SH3GL3: variants seen among roughly 807,000 people sequenced by gnomAD.
The protein encoded by SH3GL3 is endophilin-A3.
In SH3GL3, 33 loss-of-function variants were observed where a neutral mutation model predicts 47.7. The ratio of observed to expected loss-of-function variants is 0.69; its 90% CI spans 0.52 to 0.92. SH3GL3 has a LOEUF of 0.92. SH3GL3 is among the 40% of genes least tolerant of loss of function. SH3GL3 has a pLI of 0.00. For synonymous variants in SH3GL3, 155 were observed against 148.8 expected (o/e 1.04, Z -0.30); for missense variants, 363 against 417.8 (o/e 0.87, Z 1.14).
At chr15:83,539,736 C>T (rs752690005) in intron 1 of SH3GL3, among the ~76,000 whole-genome samples, 5 of 152,068 alleles carry the variant, frequency 3.3e-5, no homozygotes, top group Non-Finnish European at 4.4e-5. Flanking sequence ...ACATATGAAT[C>T]CTTTTCTTGA....
At chr15:83,631,287 T>C in the SH3GL3 span, among the ~76,000 whole-genome samples, 1 of 152,196 alleles carries the variant, frequency 6.6e-6, no homozygotes, top group Admixed American at 6.5e-5. Flanking sequence ...CTGCAGCTTT[T>C]CCAGGTGCAT....
rs1243912253 is a variant in SH3GL3, at chr15:83,483,461, TA to T, written c.45+35886del. 1.8e-4 allele frequency among the ~76,000 whole-genome samples: 28 copies of T among 152,336 alleles called. 1 individual carries two copies. The highest frequency in any genetic ancestry group is 1.7e-3 in the Admixed American group (26 of 15,306). On this transcript the variant is annotated intron_variant, in intron 1 of 8. Coordinates refer to ENST00000427482, the MANE Select transcript of SH3GL3 (RefSeq NM_003027.5). ...TAATTTTTATTAATTAATTAAAACA[TA>T]AATTTAAATGACCACATGTGGCCAG... is the stretch of plus-strand genomic sequence containing the variant.
intron 8 of SH3GL3, among the ~76,000 whole-genome samples, chr15:83,596,760 A>AC (rs1412034934): frequency 6.6e-6 from 1 of 151,722 alleles, no homozygotes; most frequent in African/African-American, 2.4e-5. Context: ...GAGCCACTGC[A>AC]CCCCCACTGA....
chr15:83,543,163 G>GT (rs925496592), intron 1 of SH3GL3, among the ~76,000 whole-genome samples: 2 of 151,912 alleles, frequency 1.3e-5, no homozygotes, highest in African/African-American at 2.4e-5. Flanking sequence ...TCAATATCCA[G>GT]TTTTTTTAGG....
chr15:83,487,755 A>C (rs1223403237), intron 1 of SH3GL3, among the ~76,000 whole-genome samples: 1 of 152,126 alleles, frequency 6.6e-6, no homozygotes, highest in Non-Finnish European at 1.5e-5. Flanking sequence ...TGGCACCACC[A>C]ATGGGACATT....
intron 8 of SH3GL3, chr15:83,609,133 T>A: frequency 2.6e-6 from 1 of 381,804 alleles, no homozygotes; most frequent in South Asian, 1.9e-5. Flanking sequence ...CGGATTCTCA[T>A]TGCTACCTCA....
intron 6 of SH3GL3, among the ~76,000 whole-genome samples, chr15:83,581,739 A>G (rs966522922): frequency 1.3e-5 from 2 of 152,160 alleles, no homozygotes; most frequent in African/African-American, 2.4e-5. Context: ...CAGAAGTTTT[A>G]TCTATTTTCT....
At chr15:83,549,509 G>A (rs908246785) in intron 1 of SH3GL3, among the ~76,000 whole-genome samples, 4 of 152,100 alleles carry the variant, frequency 2.6e-5, no homozygotes, top group African/African-American at 9.7e-5. Flanking sequence ...AGGCATTCAG[G>A]GATGAATTAA....
At chr15:83,490,046 C>T (rs1330935131) in intron 1 of SH3GL3, among the ~76,000 whole-genome samples, 1 of 152,104 alleles carries the variant, frequency 6.6e-6, no homozygotes, top group Non-Finnish European at 1.5e-5. Context: ...CAGGGGGAAT[C>T]ACATCGTTGG....
intron 8 of SH3GL3, among the ~76,000 whole-genome samples, chr15:83,602,298 T>G (rs2060406582): frequency 6.6e-6 from 1 of 152,234 alleles, no homozygotes; most frequent in African/African-American, 2.4e-5. Flanking sequence ...TGCTATCCAG[T>G]TGTAATGGCA....
At chr15:83,578,712 G>GTATC (rs2059751883) in intron 6 of SH3GL3, among the ~76,000 whole-genome samples, 1 of 151,028 alleles carries the variant, frequency 6.6e-6, no homozygotes, top group Non-Finnish European at 1.5e-5. Flanking sequence ...TGACAGTTTG[G>GTATC]TATCTCTGTT....
chr15:83,458,758 C>T (rs533769848), intron 1 of SH3GL3, among the ~76,000 whole-genome samples: 4 of 152,332 alleles, frequency 2.6e-5, no homozygotes, highest in African/African-American at 7.2e-5. Flanking sequence ...AGGGACTTTG[C>T]TCTTGTTGCC....
At chr15:83,515,569 T>C (rs1287943989) in intron 1 of SH3GL3, among the ~76,000 whole-genome samples, 1 of 152,146 alleles carries the variant, frequency 6.6e-6, no homozygotes, top group Non-Finnish European at 1.5e-5. Flanking sequence ...CTAGGCAGGT[T>C]TCTCAAACCT....
chr15:83,507,568 C>T (rs1596136525), intron 1 of SH3GL3, among the ~76,000 whole-genome samples: 1 of 151,988 alleles, frequency 6.6e-6, no homozygotes, highest in East Asian at 1.9e-4. Flanking sequence ...GTGCATGTCA[C>T]CACGCCTGGC....
In SH3GL3 at chr15:83,595,846, CTCAA is replaced by C. The variant is rs199795975; in HGVS notation, c.838+7079_838+7082del. ...ATAGAATTTGTAGTGATTTACTTCT[CTCAA>C]TCATTTTAGAAATTGGTAATTTTTG... On this transcript the variant is annotated intron_variant, in intron 8 of 8. Transcript: ENST00000427482. Among the ~76,000 whole-genome samples, 746 of 152,212 alleles carry C rather than the reference CTCAA, an allele frequency of 4.9e-3. 10 individuals carry two copies. The highest frequency in any genetic ancestry group is 0.017 in the African/African-American group (719 of 41,546).
intron 1 of SH3GL3, among the ~76,000 whole-genome samples, chr15:83,555,363 A>G (rs938428283): frequency 6.6e-6 from 1 of 152,068 alleles, no homozygotes; most frequent in African/African-American, 2.4e-5. Context: ...AAGTGAATTC[A>G]TGTTATGTTA....
At chr15:83,505,159 C>A (rs1270378155) in intron 1 of SH3GL3, among the ~76,000 whole-genome samples, 1 of 152,096 alleles carries the variant, frequency 6.6e-6, no homozygotes, top group Non-Finnish European at 1.5e-5. Context: ...GGGTTTGAGA[C>A]TATTATGAAA....
intron 1 of SH3GL3, among the ~76,000 whole-genome samples, chr15:83,558,830 C>G (rs190090914): frequency 1.3e-5 from 2 of 152,330 alleles, no homozygotes; most frequent in East Asian, 3.9e-4. Context: ...AAAGTCCATT[C>G]TGTGCATCAC....
chr15:83,627,377 A>G, the SH3GL3 span, among the ~76,000 whole-genome samples: 346 of 150,882 alleles, frequency 2.3e-3, 1 homozygote, highest in Non-Finnish European at 4.3e-3. Context: ...AGACTGGGCA[A>G]CAGAGCAAGA....
Sources: gnomAD v4.1 joint callset for allele counts (sites outside exome capture counted in the v4.1 genomes callset) on GRCh38, gnomAD v4.1.1 for gene constraint, MANE v1.5 for transcripts, NCBI Gene and HGNC (gene_info 2026-07-23, HGNC 2026-07-21) for gene names.